KTN1: variants seen among roughly 807,000 people sequenced by gnomAD.
The protein encoded by KTN1 is kinectin.
Under a neutral mutation model 222.5 loss-of-function variants are expected in KTN1, and 130 were observed. The observed-to-expected ratio is 0.58, with a 90% CI of 0.51 to 0.68. KTN1 has a LOEUF of 0.68. Ranked by LOEUF, KTN1 falls within the 30% of genes least tolerant of loss-of-function variation. The pLI, the probability that KTN1 is intolerant of heterozygous loss-of-function variation, is 0.00. For missense variants in KTN1, 1,508 were observed against 1,500.4 expected (o/e 1.01, Z -0.08); for synonymous variants, 512 against 496.3 (o/e 1.03, Z -0.42).
At position 55,628,026 on chromosome 14, in the gene KTN1, C is replaced by A. The variant is rs1333351185; in HGVS notation, c.1078C>A (p.Gln360Lys). The A allele has an allele frequency of 2.5e-6, 4 of 1,577,058 alleles. No individual in the cohort carries two copies. The South Asian group carries it at 4.4e-5, about 17-fold the overall frequency. ...ATKDRCKQLT[Q>K]EMMTEKERSN... ...AAAGGATCGGTGTAAGCAGTTAACC[C>A]AGGTGAAGACATTCTTATGTACGAG... The change falls in exon 6 of 44, where the codon CAG becomes AAG. Residue 360 changes from glutamine (Q) to lysine (K), a missense_variant and splice_region_variant. By Grantham distance (53) the Gln-to-Lys change is moderately conservative. Transcript: ENST00000395314.
chr14:55,618,089 A>T lies in KTN1; in HGVS notation c.787A>T (p.Ile263Phe), dbSNP rs1339380819. The change falls in exon 4 of 44, where the codon ATC (isoleucine) becomes TTC (phenylalanine). Residue 263 changes from isoleucine to phenylalanine, a missense_variant. Physicochemically the swap from Ile to Phe is conservative, Grantham distance 21. Transcript: ENST00000395314. ...GCTTAAACCTGACCAAGTAGAAGGG[A>T]TCCAGAAATCTGGGACTAAAAAACT... Reference protein sequence around the residue: ...DLLKPDQVEGIQKSGTKKLKT... With the variant: ...DLLKPDQVEGFQKSGTKKLKT... 3 of 1,612,544 alleles carry T rather than the reference A, an allele frequency of 1.9e-6. No homozygotes were observed. The African/African-American group carries it at 4.0e-5, about 22-fold the overall frequency.
chr14:55,624,150 C>G (rs955755161), intron 5 of KTN1, among the ~76,000 whole-genome samples: 1 of 152,202 alleles, frequency 6.6e-6, no homozygotes, highest in African/African-American at 2.4e-5. Context: ...ACTGAAGGAA[C>G]TCTGCCTTTG....
In KTN1 at chr14:55,643,315, T is replaced by C. The variant is rs181119494; in HGVS notation, c.2172+1555T>C. On this transcript the variant is annotated intron_variant, in intron 18 of 43. Transcript: ENST00000395314. ...CCACCCTCCCTTACCATCTCTGAAATAAGAATGTATCTTGTAGTCTCTGGT... is the reference window on the plus strand; with the variant it reads ...CCACCCTCCCTTACCATCTCTGAAACAAGAATGTATCTTGTAGTCTCTGGT... Among the ~76,000 whole-genome samples, 601 of 152,282 alleles carry C rather than the reference T, an allele frequency of 3.9e-3. 2 individuals carry two copies. Among genetic ancestry groups the C allele is most frequent in the Non-Finnish European group, 5.6e-3 (381 of 68,000 alleles).
intron 32 of KTN1, among the ~76,000 whole-genome samples, chr14:55,662,138 C>G (rs1006467909): frequency 1.3e-5 from 2 of 149,042 alleles, no homozygotes; most frequent in African/African-American, 5.0e-5. Context: ...TTGAACTTGG[C>G]TCACTGCAAA....
intron 1 of KTN1, among the ~76,000 whole-genome samples, chr14:55,590,432 A>G (rs1381712157): frequency 6.6e-6 from 1 of 152,238 alleles, no homozygotes; most frequent in Admixed American, 6.5e-5. Context: ...TACGTGTAAG[A>G]TATAAAGACA....
intron 40 of KTN1, chr14:55,675,502 A>G (rs989639824): frequency 5.9e-5 from 11 of 186,468 alleles, no homozygotes; most frequent in South Asian, 1.4e-4. Flanking sequence ...CGGGTAAAGT[A>G]TCTATTTGGC....
rs571664314 is a variant in KTN1 at position 55,602,435 on chromosome 14, A to T, written c.-30-9584A>T. Among the ~76,000 whole-genome samples, 18 of 152,330 alleles carry T rather than the reference A, an allele frequency of 1.2e-4. 1 individual carries two copies. In the South Asian group the frequency reaches 3.7e-3, roughly 32 times the overall value. On this transcript the variant is annotated intron_variant, in intron 1 of 43. Transcript: ENST00000395314. ...TACTTCCTTTCGCAGTGAGATTATA[A>T]ATTCATTTAAAGTCGGCAAATTTAT...
At chr14:55,641,884 C>A in intron 18 of KTN1, 124 bp downstream of exon 18, 1 of 663,552 alleles carries the variant, frequency 1.5e-6, no homozygotes. Context: ...GCTGTTATTG[C>A]CTTTCTATTC....
chr14:55,647,405 C>T (rs183732285), intron 19 of KTN1, among the ~76,000 whole-genome samples: 6 of 151,792 alleles, frequency 4.0e-5, no homozygotes, highest in South Asian at 2.1e-4. Context: ...GAGGCTGAGG[C>T]GGGTGGATCA....
intron 1 of KTN1, among the ~76,000 whole-genome samples, chr14:55,597,900 G>T (rs1594756186): frequency 6.6e-6 from 1 of 152,080 alleles, no homozygotes. Context: ...AAATTAAAAT[G>T]TAGACTACAG....
intron 1 of KTN1, among the ~76,000 whole-genome samples, chr14:55,589,696 T>TCG (rs552831978): frequency 5.9e-4 from 85 of 144,712 alleles, no homozygotes; most frequent in African/African-American, 2.0e-3. Flanking sequence ...TGTCTCTCTG[T>TCG]CGCCCAGGCT....
intron 18 of KTN1, among the ~76,000 whole-genome samples, chr14:55,646,533 TCCTTTCCTTTC>T (rs1170799305): frequency 2.1e-4 from 30 of 144,624 alleles, no homozygotes; most frequent in African/African-American, 7.9e-4. Flanking sequence ...TCCTTTCCTT[TCCTTTCCTTTC>T]CTTCTCTCTT....
chr14:55,639,362 CTTT>C (rs369782699), intron 13 of KTN1, 140 bp downstream of exon 13: 2,214 of 348,356 alleles, frequency 6.4e-3, no homozygotes, highest in Middle Eastern at 9.2e-3. Context: ...GCAACTTTTG[CTTT>C]TTTTTTTTTT....
rs1488774701 is a variant in KTN1, at chr14:55,619,240, T to C, written c.891T>C (p.Ser297=). ...TGTCCTTGAAGACTATGATGTTTTC[T>C]GAAGATGAGGCTCTTTGTGTTGTAG... The part of the protein sequence containing the change: ...FLLSLKTMMF[S]EDEALCVVDL... The change falls in exon 5 of 44, where the codon TCT becomes TCC. Residue 297 remains serine, a synonymous_variant. Coordinates refer to ENST00000395314, the MANE Select transcript of KTN1 (RefSeq NM_001079521.2). 1 of 1,610,594 alleles carries C rather than the reference T, an allele frequency of 6.2e-7. No homozygotes were observed. Among genetic ancestry groups the C allele is most frequent in the East Asian group, 2.2e-5 (1 of 44,828 alleles).
intron 43 of KTN1, chr14:55,680,101 G>T (rs1246782809): frequency 3.0e-5 from 5 of 165,212 alleles, no homozygotes; most frequent in Non-Finnish European, 3.9e-5. Flanking sequence ...CTGAGGTAAG[G>T]TTGCTAAACT....
intron 18 of KTN1, 67 bp downstream of exon 18, chr14:55,641,827 T>C: frequency 1.0e-6 from 1 of 1,004,926 alleles, no homozygotes; most frequent in Non-Finnish European, 1.6e-6. Context: ...TCTTCTTATT[T>C]AGGTACCAAA....
intron 15 of KTN1, 94 bp from the exon 16 acceptor site, chr14:55,640,838 GA>G: frequency 1.0e-6 from 1 of 990,024 alleles, no homozygotes; most frequent in South Asian, 1.4e-5. Context: ...CAAATATATG[GA>G]AATACAGCTT....
At chr14:55,671,942 A>G (rs1024676465) in intron 37 of KTN1, 65 bp downstream of exon 37, 12 of 932,190 alleles carry the variant, frequency 1.3e-5, no homozygotes, top group African/African-American at 1.6e-5. Context: ...CAGCAGCATC[A>G]GCATCACCAT....
At chr14:55,585,450 T>C (rs546961191) in intron 1 of KTN1, among the ~76,000 whole-genome samples, 25 of 152,366 alleles carry the variant, frequency 1.6e-4, no homozygotes, top group African/African-American at 6.0e-4. Context: ...ATTTGCCTTT[T>C]TATTTTTACT....
Sources: gnomAD v4.1 joint callset for allele counts (sites outside exome capture counted in the v4.1 genomes callset) on GRCh38, gnomAD v4.1.1 for gene constraint, MANE v1.5 for transcripts, NCBI Gene and HGNC (gene_info 2026-07-23, HGNC 2026-07-21) for gene names.